The following DPP10 variants were observed in gnomAD, a reference collection of about 807,000 sequenced individuals.
DPP10 encodes the protein dipeptidyl peptidase like 10.
A neutral mutation model predicts 120.9 loss-of-function variants in DPP10; 33 were observed. The observed-to-expected ratio is 0.27, with a 90% CI of 0.21 to 0.37. The LOEUF (loss-of-function observed/expected upper bound fraction) is 0.37. Among genes scored for constraint, DPP10 ranks in the 10% least tolerant of loss-of-function variants. The pLI is 1.00. For synonymous variants in DPP10, 337 were observed against 326.1 expected (o/e 1.03, Z -0.36); for missense variants, 816 against 942.8 (o/e 0.87, Z 1.76).
At position 115,419,093 on chromosome 2, in the gene DPP10, C is replaced by T. The variant is rs1157968692; in HGVS notation, c.271+75181C>T. ...CTTTACAGCAACATCTAGTGTTTGA[C>T]CAAACAACTGGATGCCATAACCTAG... On this transcript the variant is annotated intron_variant, in intron 3 of 25. Transcript: ENST00000410059. Among the ~76,000 whole-genome samples the T allele has an allele frequency of 2.6e-5, 4 of 152,130 alleles. No individual in the cohort carries two copies. In the East Asian group the frequency reaches 7.7e-4, roughly 29 times the overall value.
At chr2:115,428,724 A>C (rs561613296) in intron 3 of DPP10, among the ~76,000 whole-genome samples, 1 of 152,332 alleles carries the variant, frequency 6.6e-6, no homozygotes, top group South Asian at 2.1e-4. Flanking sequence ...GCACTTGAAC[A>C]TAAATTTAAC....
At chr2:115,166,558 T>C (rs2052884779) in intron 1 of DPP10, among the ~76,000 whole-genome samples, 1 of 146,492 alleles carries the variant, frequency 6.8e-6, no homozygotes, top group Non-Finnish European at 1.5e-5. Context: ...AAATATATAT[T>C]ATATAAATTT....
chr2:114,795,492 TG>T (rs1216177156), intron 1 of DPP10, among the ~76,000 whole-genome samples: 3 of 149,550 alleles, frequency 2.0e-5, no homozygotes, highest in African/African-American at 4.9e-5. Flanking sequence ...ACGTCATCTC[TG>T]GGGAAAAAAA....
chr2:115,246,972 A>C (rs1416239662), intron 1 of DPP10, among the ~76,000 whole-genome samples: 1 of 152,102 alleles, frequency 6.6e-6, no homozygotes, highest in African/African-American at 2.4e-5. Context: ...GAGAAAACCT[A>C]CTATCACCAA....
At chr2:114,891,826 A>G (rs1310248616) in intron 1 of DPP10, among the ~76,000 whole-genome samples, 1 of 152,174 alleles carries the variant, frequency 6.6e-6, no homozygotes, top group Non-Finnish European at 1.5e-5. Context: ...CAAAATTACA[A>G]TTTAGACAAG....
chr2:114,922,997 A>G (rs1695313298), intron 1 of DPP10, among the ~76,000 whole-genome samples: 1 of 152,180 alleles, frequency 6.6e-6, no homozygotes, highest in African/African-American at 2.4e-5. Context: ...ATTCATGAGT[A>G]TATTTTTATG....
chr2:115,428,444 G>A (rs1243988983), intron 3 of DPP10, among the ~76,000 whole-genome samples: 2 of 152,130 alleles, frequency 1.3e-5, no homozygotes, highest in East Asian at 3.9e-4. Context: ...CAAGCATAGT[G>A]CTTGCGTTTG....
At chr2:115,764,379 C>T (rs2149797097) in intron 12 of DPP10, among the ~76,000 whole-genome samples, 1 of 151,840 alleles carries the variant, frequency 6.6e-6, no homozygotes, top group South Asian at 2.1e-4. Context: ...ACATGGTTAT[C>T]TATTAATATA....
rs1223073740 is a variant in DPP10, at chr2:115,843,068, G to A, written c.*723G>A. 6.6e-6 allele frequency: 1 copy of A among 152,538 alleles called. No homozygotes were observed. The highest frequency in any genetic ancestry group is 6.6e-5 in the Admixed American group (1 of 15,264). 9.4% of individuals were successfully genotyped at this position (152,538 alleles called of 1,614,324 possible). A position where few individuals can be genotyped will look rare whatever the true frequency, so the allele number is the denominator to read the frequency against. On this transcript the variant is annotated 3_prime_UTR_variant, in exon 26 of 26. Transcript: ENST00000410059. Reference sequence around the variant, plus strand: ...GTTATTCATGCTATAAAGAGTAAACGTTTGATGAATTAGAAGAGATGCTCT... The same window carrying A: ...GTTATTCATGCTATAAAGAGTAAACATTTGATGAATTAGAAGAGATGCTCT...
chr2:115,401,420 A>G (rs1033379834), intron 3 of DPP10, among the ~76,000 whole-genome samples: 16 of 151,994 alleles, frequency 1.1e-4, no homozygotes. Flanking sequence ...CCCTGCAAAA[A>G]CATTTTTTTA....
At chr2:114,648,591 T>G (rs993672280) in intron 1 of DPP10, among the ~76,000 whole-genome samples, 9 of 152,198 alleles carry the variant, frequency 5.9e-5, no homozygotes, top group Non-Finnish European at 1.0e-4. Context: ...CATATTTGAA[T>G]GTATTTGCCC....
At chr2:114,878,634 G>T (rs1281944200) in intron 1 of DPP10, among the ~76,000 whole-genome samples, 3 of 151,992 alleles carry the variant, frequency 2.0e-5, no homozygotes, top group East Asian at 1.9e-4. Flanking sequence ...CTCTCCAGCT[G>T]CATGAGATCC....
chr2:115,843,300 G>A lies in DPP10; in HGVS notation c.*955G>A, dbSNP rs1690327917. On this transcript the variant is annotated 3_prime_UTR_variant, in exon 26 of 26. Coordinates refer to ENST00000410059, the MANE Select transcript of DPP10 (RefSeq NM_020868.6). ...TTAGATACTTAAATATTAAATTATA[G>A]TTTCTGATAAAGAAATTTTGTTAAC... The A allele has an allele frequency of 6.6e-6, 1 of 152,532 alleles. No individual in the cohort carries two copies. The highest frequency in any genetic ancestry group is 6.6e-5 in the Admixed American group (1 of 15,266). The allele number at this position is 152,532 out of a possible 1,614,324, so 9.4% of individuals were successfully genotyped here.
intron 3 of DPP10, among the ~76,000 whole-genome samples, chr2:115,493,910 C>T (rs2076259352): frequency 6.6e-6 from 1 of 152,050 alleles, no homozygotes. Flanking sequence ...AGGGAAAAAA[C>T]TAGGAACAGA....
At chr2:115,580,950 A>G (rs1439052835) in intron 5 of DPP10, among the ~76,000 whole-genome samples, 1 of 152,140 alleles carries the variant, frequency 6.6e-6, no homozygotes, top group African/African-American at 2.4e-5. Context: ...ATAAACACCC[A>G]TTGTTAAGGT....
intron 3 of DPP10, among the ~76,000 whole-genome samples, chr2:115,462,048 G>T (rs2074017845): frequency 6.6e-6 from 1 of 152,186 alleles, no homozygotes; most frequent in South Asian, 2.1e-4. Flanking sequence ...TTCTTCTAAA[G>T]AATTGGGATT....
At chr2:115,536,369 G>A (rs538526628) in intron 5 of DPP10, among the ~76,000 whole-genome samples, 1 of 151,812 alleles carries the variant, frequency 6.6e-6, no homozygotes, top group Non-Finnish European at 1.5e-5. Context: ...ATCTTTTCAT[G>A]TGGTGATATC....
chr2:114,565,848 C>A (rs75377977), intron 1 of DPP10, among the ~76,000 whole-genome samples: 6,579 of 152,308 alleles, frequency 0.043, 181 homozygotes, highest in Non-Finnish European at 0.07. Context: ...CAGTGCTAGG[C>A]ACACATGGAC....
At chr2:115,736,041 A>G (rs1389585128) in intron 8 of DPP10, among the ~76,000 whole-genome samples, 2 of 152,134 alleles carry the variant, frequency 1.3e-5, no homozygotes, top group Non-Finnish European at 2.9e-5. Flanking sequence ...GGGGAGTTGC[A>G]TAATGAGCCC....
Sources: allele counts gnomAD v4.1 joint callset (sites outside exome capture counted in the v4.1 genomes callset), GRCh38; gene constraint gnomAD v4.1.1; transcripts MANE v1.5; gene names NCBI Gene and HGNC (gene_info 2026-07-23, HGNC 2026-07-21).